Variants in PPP3CA observed in about 807,000 individuals in gnomAD.
PPP3CA encodes the protein protein phosphatase 3 catalytic subunit alpha, also known as CAM-PRP catalytic subunit.
Under a neutral mutation model 66.5 loss-of-function variants are expected in PPP3CA, and 14 were observed. That is an observed-to-expected ratio of 0.21 (90% CI 0.14 to 0.33). PPP3CA has a LOEUF of 0.33. Ranked by LOEUF, PPP3CA falls within the 10% of genes least tolerant of loss-of-function variation. PPP3CA has a pLI of 1.00. For synonymous variants in PPP3CA, 232 were observed against 226.2 expected, an observed-to-expected ratio of 1.03 and a Z score of -0.23; for missense variants, 317 against 639.5, an observed-to-expected ratio of 0.50 and a Z score of 5.44.
intron 2 of PPP3CA, among the ~76,000 whole-genome samples, chr4:101,122,781 G>A (rs1722070056): frequency 6.6e-6 from 1 of 152,106 alleles, no homozygotes; most frequent in Non-Finnish European, 1.5e-5. Context: ...CCAGCATAAG[G>A]TATTTCGAGG....
intron 1 of PPP3CA, among the ~76,000 whole-genome samples, chr4:101,333,269 A>AT (rs1729497153): frequency 4.5e-5 from 3 of 66,480 alleles, no homozygotes; most frequent in East Asian, 4.2e-4. Context: ...TACCATGCCC[A>AT]GTTTTTTTTT....
chr4:101,246,936 A>G (rs1726500499), intron 1 of PPP3CA, among the ~76,000 whole-genome samples: 1 of 152,204 alleles, frequency 6.6e-6, no homozygotes, highest in African/African-American at 2.4e-5. Context: ...ACCCCACAAA[A>G]TAACAGAATG....
intron 2 of PPP3CA, among the ~76,000 whole-genome samples, chr4:101,156,431 A>G (rs879415413): frequency 1.3e-5 from 2 of 152,264 alleles, no homozygotes; most frequent in Non-Finnish European, 2.9e-5. Context: ...CTGTAATCCC[A>G]GCACTTTGGG....
intron 1 of PPP3CA, among the ~76,000 whole-genome samples, chr4:101,210,057 A>C (rs1475964906): frequency 6.6e-6 from 1 of 152,134 alleles, no homozygotes; most frequent in Admixed American, 6.6e-5. Context: ...TCTGAGAAGA[A>C]AGGCCATAAT....
intron 1 of PPP3CA, among the ~76,000 whole-genome samples, chr4:101,286,247 G>C (rs999798266): frequency 6.6e-6 from 1 of 152,182 alleles, no homozygotes; most frequent in African/African-American, 2.4e-5. Context: ...TGTGTGCCCA[G>C]GTTCCTAACA....
At position 101,152,626 on chromosome 4, in the gene PPP3CA, C is replaced by T. The variant is rs543261712; in HGVS notation, c.259+43290G>A. On this transcript the variant is annotated intron_variant, in intron 2 of 13. Transcript: ENST00000394854. ...TAACTTGAGTAAATTTTACTAGAAACAGATTTCTCTATCATGCCATTAAGT... is the reference window on the plus strand; with the variant it reads ...TAACTTGAGTAAATTTTACTAGAAATAGATTTCTCTATCATGCCATTAAGT... Among the ~76,000 whole-genome samples, 3 of 152,192 alleles carry T rather than the reference C, an allele frequency of 2.0e-5. No individual in the cohort carries two copies. The East Asian group carries it at 5.8e-4, about 29-fold the overall frequency.
chr4:101,065,029 G>A (rs1390468875), intron 8 of PPP3CA, among the ~76,000 whole-genome samples: 1 of 151,906 alleles, frequency 6.6e-6, no homozygotes, highest in African/African-American at 2.4e-5. Context: ...AGATAGTGTA[G>A]GCAATACTGA....
At chr4:101,156,624 C>T (rs921250868) in intron 2 of PPP3CA, among the ~76,000 whole-genome samples, 3 of 151,696 alleles carry the variant, frequency 2.0e-5, no homozygotes, top group Non-Finnish European at 2.9e-5. Context: ...AGGTTGTGAT[C>T]GTGCCATTGC....
At chr4:101,334,890 T>TA (rs539782029) in intron 1 of PPP3CA, among the ~76,000 whole-genome samples, 11 of 151,012 alleles carry the variant, frequency 7.3e-5, no homozygotes, top group Admixed American at 3.3e-4. Context: ...TGAACCACTA[T>TA]AAAAAAAAAT....
At chr4:101,030,829 T>G (rs1726915592) in intron 12 of PPP3CA, among the ~76,000 whole-genome samples, 1 of 152,150 alleles carries the variant, frequency 6.6e-6, no homozygotes, top group African/African-American at 2.4e-5. Context: ...ACACTTGCTG[T>G]GCCTTAAAAT....
chr4:101,040,009 A>C lies in PPP3CA; in HGVS notation c.1241+473T>G, dbSNP rs964098652. On this transcript the variant is annotated intron_variant, in intron 11 of 13. Transcript: ENST00000394854. ...TCTACAAAATATACTACTATATGGA[A>C]ATTGAAACAGTAATTTTTCTCTCAA... 5.7e-5 allele frequency among the ~76,000 whole-genome samples: 6 copies of C among 106,078 alleles called. 1 individual carries two copies. Among genetic ancestry groups the C allele is most frequent in the Admixed American group, 9.1e-5 (1 of 10,948 alleles). 69.6% of individuals were successfully genotyped at this position (106,078 alleles called of 152,430 possible).
chr4:101,302,978 T>A (rs1728426025), intron 1 of PPP3CA, among the ~76,000 whole-genome samples: 1 of 152,224 alleles, frequency 6.6e-6, no homozygotes, highest in Admixed American at 6.5e-5. Context: ...GCCATTAAAT[T>A]TAGTTTTGAG....
chr4:101,270,568 A>C (rs1727306417), intron 1 of PPP3CA, among the ~76,000 whole-genome samples: 2 of 152,184 alleles, frequency 1.3e-5, no homozygotes, highest in African/African-American at 4.8e-5. Context: ...TAGATACCAA[A>C]GGAGGTTTTA....
intron 1 of PPP3CA, among the ~76,000 whole-genome samples, chr4:101,233,939 C>T (rs151253598): frequency 0.018 from 2,736 of 151,818 alleles, 83 homozygotes; most frequent in African/African-American, 0.06. Flanking sequence ...CTGCTACCCT[C>T]TTTGTGTCCA....
chr4:101,262,505 T>C (rs541863425), intron 1 of PPP3CA, among the ~76,000 whole-genome samples: 2 of 152,196 alleles, frequency 1.3e-5, no homozygotes, highest in Non-Finnish European at 2.9e-5. Context: ...AAACTAGTAA[T>C]AAAAATAAAA....
At chr4:101,297,399 T>C (rs1183226009) in intron 1 of PPP3CA, among the ~76,000 whole-genome samples, 2 of 152,220 alleles carry the variant, frequency 1.3e-5, no homozygotes, top group Non-Finnish European at 2.9e-5. Flanking sequence ...AAGAGATTAC[T>C]ATATAGACAT....
At chr4:101,199,188 A>G (rs1023673426) in intron 1 of PPP3CA, among the ~76,000 whole-genome samples, 2 of 152,226 alleles carry the variant, frequency 1.3e-5, no homozygotes, top group African/African-American at 2.4e-5. Context: ...ATTCACCTAG[A>G]ATCCTGCATG....
intron 1 of PPP3CA, among the ~76,000 whole-genome samples, chr4:101,220,689 C>T (rs1560665631): frequency 6.7e-6 from 1 of 148,218 alleles, no homozygotes; most frequent in South Asian, 2.1e-4. Context: ...TCCTGATTCA[C>T]CTGAGGACAG....
intron 1 of PPP3CA, among the ~76,000 whole-genome samples, chr4:101,243,273 A>C (rs910294177): frequency 1.3e-5 from 2 of 152,210 alleles, no homozygotes; most frequent in Non-Finnish European, 2.9e-5. Flanking sequence ...ACACATGAAC[A>C]CATATCCTCA....
Sources: gnomAD v4.1 joint callset for allele counts (sites outside exome capture counted in the v4.1 genomes callset) on GRCh38, gnomAD v4.1.1 for gene constraint, MANE v1.5 for transcripts, NCBI Gene and HGNC (gene_info 2026-07-23, HGNC 2026-07-21) for gene names.